The following TBCK variants were observed in gnomAD, a reference collection of about 807,000 sequenced individuals.
TBCK encodes the protein TBC domain-containing protein kinase-like protein.
A neutral mutation model predicts 113.4 loss-of-function variants in TBCK; 99 were observed. That is an observed-to-expected ratio of 0.87 (90% CI 0.74 to 1.03). The LOEUF (loss-of-function observed/expected upper bound fraction) is 1.03. Ranked by LOEUF, TBCK falls within the 50% of genes least tolerant of loss-of-function variation. The pLI, the probability that TBCK is intolerant of heterozygous loss-of-function variation, is 0.00. For synonymous variants in TBCK, 369 were observed against 370.8 expected, an observed-to-expected ratio of 1.00 and a Z score of 0.05; for missense variants, 1,045 against 1,061.3, an observed-to-expected ratio of 0.98 and a Z score of 0.21.
At chr4:106,085,307 G>A (rs1287016800) in intron 25 of TBCK, among the ~76,000 whole-genome samples, 7 of 130,800 alleles carry the variant, frequency 5.4e-5, no homozygotes, top group Non-Finnish European at 1.0e-4. Flanking sequence ...AAAACAAAAC[G>A]GGTTGCAATC....
intron 23 of TBCK, among the ~76,000 whole-genome samples, chr4:106,149,493 T>C (rs954764629): frequency 2.0e-5 from 3 of 152,162 alleles, no homozygotes; most frequent in African/African-American, 4.8e-5. Flanking sequence ...TATCTTTGTT[T>C]CTCAAGGAAT....
At chr4:106,164,412 T>C (rs1474878158) in intron 23 of TBCK, 1 of 151,994 alleles carries the variant, frequency 6.6e-6, no homozygotes. Flanking sequence ...TTTCTTCTTA[T>C]TTAAGAGTAG....
chr4:106,103,030 T>C (rs1369032622), intron 24 of TBCK, among the ~76,000 whole-genome samples: 1 of 152,202 alleles, frequency 6.6e-6, no homozygotes, highest in African/African-American at 2.4e-5. Context: ...TTAAAAATAT[T>C]ATTAAAATTT....
chr4:106,073,987 T>C (rs964814297), intron 25 of TBCK, among the ~76,000 whole-genome samples: 1 of 152,170 alleles, frequency 6.6e-6, no homozygotes, highest in African/African-American at 2.4e-5. Flanking sequence ...AGTATTAAGC[T>C]GGAATGTCCC....
chr4:106,290,520 T>C (rs2125827571), intron 3 of TBCK, among the ~76,000 whole-genome samples: 1 of 152,308 alleles, frequency 6.6e-6, no homozygotes, highest in Admixed American at 6.5e-5. Flanking sequence ...TTAGTGACAT[T>C]ACAAAAATTA....
intron 25 of TBCK, among the ~76,000 whole-genome samples, chr4:106,065,732 A>AC (rs1485881017): frequency 2.0e-5 from 3 of 152,050 alleles, no homozygotes; most frequent in African/African-American, 7.2e-5. Context: ...ATACTTGATT[A>AC]TACTATACAC....
rs141753975 is a variant in TBCK at position 106,161,860 on chromosome 4, C to T, written c.2235+9235G>A. On this transcript the variant is annotated intron_variant, in intron 23 of 25. Coordinates refer to ENST00000394708, the MANE Select transcript of TBCK (RefSeq NM_001163435.3). ...TATGAAACATGAAACAACACAAATGCTATGATTCCATTTATTTAAAAGTTA... is the reference window on the plus strand; with the variant it reads ...TATGAAACATGAAACAACACAAATGTTATGATTCCATTTATTTAAAAGTTA... Among the ~76,000 whole-genome samples the T allele has an allele frequency of 5.0e-3, 764 of 152,168 alleles. 4 individuals carry two copies. Among genetic ancestry groups the T allele is most frequent in the African/African-American group, 0.018 (735 of 41,528 alleles).
At chr4:106,063,005 A>C (rs1210984022) in intron 25 of TBCK, among the ~76,000 whole-genome samples, 1 of 151,984 alleles carries the variant, frequency 6.6e-6, no homozygotes, top group Non-Finnish European at 1.5e-5. Context: ...AGGACTCAAC[A>C]GGAGTTTTTA....
In TBCK at chr4:106,137,263, G is replaced by T. The variant is rs1446938369; in HGVS notation, c.2236-20885C>A. 1.4e-5 allele frequency among the ~76,000 whole-genome samples: 2 copies of T among 140,560 alleles called. 1 individual carries two copies. The highest frequency in any genetic ancestry group is 3.2e-5 in the Non-Finnish European group (2 of 61,868). The allele number at this position is 140,560 out of a possible 152,430, so 92.2% of individuals were successfully genotyped here. A position where few individuals can be genotyped will look rare whatever the true frequency, so the allele number is the denominator to read the frequency against. On this transcript the variant is annotated intron_variant, in intron 23 of 25. Transcript: ENST00000394708. The stretch of plus-strand genomic sequence containing the variant: ...AAAATTGACAAATATCTCAATTTTG[G>T]CAGGCAATCTATATAATGCTGAGAA...
chr4:106,241,772 C>A (rs1325715075), intron 12 of TBCK, among the ~76,000 whole-genome samples: 2 of 151,534 alleles, frequency 1.3e-5, no homozygotes, highest in African/African-American at 2.4e-5. Context: ...TTATTTAAAT[C>A]TTTTATAAGG....
chr4:106,057,024 AAAGT>A (rs1735512596), intron 25 of TBCK, among the ~76,000 whole-genome samples: 1 of 151,844 alleles, frequency 6.6e-6, no homozygotes, highest in Non-Finnish European at 1.5e-5. Flanking sequence ...TGTTACAAAG[AAAGT>A]AAGGAAAGAA....
chr4:106,217,599 G>A (rs1265616880), intron 19 of TBCK, among the ~76,000 whole-genome samples: 1 of 151,314 alleles, frequency 6.6e-6, no homozygotes, highest in Non-Finnish European at 1.5e-5. Context: ...GCCAAATCAT[G>A]AGTGAACTCC....
intron 25 of TBCK, among the ~76,000 whole-genome samples, chr4:106,054,555 T>C (rs1735177125): frequency 1.3e-5 from 2 of 151,846 alleles, no homozygotes; most frequent in Admixed American, 1.3e-4. Context: ...TATATGTATG[T>C]ATGTTTATTG....
chr4:106,075,848 A>G (rs150102634), intron 25 of TBCK, among the ~76,000 whole-genome samples: 1 of 152,236 alleles, frequency 6.6e-6, no homozygotes, highest in African/African-American at 2.4e-5. Context: ...TAGCACATAC[A>G]GCATAAAAGT....
intron 23 of TBCK, among the ~76,000 whole-genome samples, chr4:106,132,023 A>G (rs960052298): frequency 1.3e-5 from 2 of 152,234 alleles, no homozygotes; most frequent in African/African-American, 4.8e-5. Flanking sequence ...AGCATTCAAG[A>G]GGAAGCAGAG....
At chr4:106,293,210 C>A (rs1765906775) in intron 3 of TBCK, among the ~76,000 whole-genome samples, 1 of 152,152 alleles carries the variant, frequency 6.6e-6, no homozygotes, top group African/African-American at 2.4e-5. Context: ...GACAGAATAT[C>A]CCAAGATTGG....
chr4:106,050,752 A>T (rs1192124174), intron 25 of TBCK, among the ~76,000 whole-genome samples: 2 of 152,052 alleles, frequency 1.3e-5, no homozygotes, highest in Non-Finnish European at 2.9e-5. Flanking sequence ...TGAGATCTAT[A>T]TAGCAACATC....
At chr4:106,214,431 C>T (rs549947592) in intron 19 of TBCK, among the ~76,000 whole-genome samples, 1 of 152,050 alleles carries the variant, frequency 6.6e-6, no homozygotes, top group Admixed American at 6.5e-5. Flanking sequence ...TACGGGAGGA[C>T]ATTCAAACCA....
In TBCK at chr4:106,193,620, G is replaced by C. The variant is rs762323766; in HGVS notation, c.2048C>G (p.Ser683Cys). ...ATTTAGATCTATACCTGGTAAATCGGAGAAGAGAAGAATACACTCATTAAA... is the reference window on the plus strand; with the variant it reads ...ATTTAGATCTATACCTGGTAAATCGCAGAAGAGAAGAATACACTCATTAAA... ...NGFNECILLFSDLPEIDIERC... is the reference protein window; with the variant it reads ...NGFNECILLFCDLPEIDIERC... Residue 683 changes from serine (S) to cysteine (C), a missense_variant, in exon 22 of 26, where the codon TCC becomes TGC. By Grantham distance (112) the Ser-to-Cys change is moderately radical. Transcript: ENST00000394708. 2 of 1,613,142 alleles carry C rather than the reference G, an allele frequency of 1.2e-6. No homozygotes were observed. Among genetic ancestry groups the C allele is most frequent in the Non-Finnish European group, 1.7e-6 (2 of 1,179,440 alleles).
Sources: allele counts gnomAD v4.1 joint callset (sites outside exome capture counted in the v4.1 genomes callset), GRCh38; gene constraint gnomAD v4.1.1; transcripts MANE v1.5; gene names NCBI Gene and HGNC (gene_info 2026-07-23, HGNC 2026-07-21).